Variants in CRHR2 observed in about 807,000 individuals in gnomAD.
CRHR2 encodes corticotropin-releasing hormone receptor 2.
In CRHR2, 53 loss-of-function variants were observed where a neutral mutation model predicts 57.9. The ratio of observed to expected loss-of-function variants is 0.92; its 90% CI spans 0.73 to 1.15. The LOEUF is 1.15. Among genes scored for constraint, CRHR2 ranks in the 50% most tolerant of loss-of-function variants. The pLI is 0.00. For missense variants in CRHR2, 532 were observed against 542.6 expected (o/e 0.98, Z 0.19); for synonymous variants, 213 against 220.9 (o/e 0.96, Z 0.32).
At chr7:30,692,832 C>G (rs529395705) in intron 1 of CRHR2, among the ~76,000 whole-genome samples, 27 of 152,192 alleles carry the variant, frequency 1.8e-4, no homozygotes, top group Non-Finnish European at 2.9e-4. Context: ...CCCAGGGAAG[C>G]GAAGTCACCC....
Position 30,665,170 on chromosome 7 carries a change from C to G in CRHR2, c.443G>C (p.Arg148Pro). The G allele has an allele frequency of 6.2e-7, 1 of 1,614,066 alleles. No individual in the cohort carries two copies. The highest frequency in any genetic ancestry group is 8.5e-7 in the Non-Finnish European group (1 of 1,179,978). The change falls in exon 5 of 12, where the codon CGG becomes CCG. Residue 148 changes from arginine (R) to proline (P), a missense_variant. By Grantham distance (103) the Arg-to-Pro change is moderately radical. Transcript: ENST00000471646. This position sits in a 1 kb window ranked among gnomAD's most constrained non-coding sequence, Gnocchi z 4.5. ...GATGAGGTTCCAGTGAATCACATTCCGCAGACAGCGAATGCTCCTGTGGGA... is the reference window on the plus strand; with the variant it reads ...GATGAGGTTCCAGTGAATCACATTCGGCAGACAGCGAATGCTCCTGTGGGA... ...FLALRSIRCL[R>P]NVIHWNLITT...
intron 2 of CRHR2, among the ~76,000 whole-genome samples, chr7:30,675,945 G>A (rs1356399081): frequency 6.6e-6 from 1 of 152,226 alleles, no homozygotes; most frequent in Non-Finnish European, 1.5e-5. Flanking sequence ...GGGTGAGCCT[G>A]AGCAAGACGA....
At chr7:30,685,782 C>T (rs976954306), upstream of CRHR2, among the ~76,000 whole-genome samples, 7 of 152,228 alleles carry the variant, frequency 4.6e-5, no homozygotes, top group African/African-American at 1.7e-4. Context: ...AGGCCATCCT[C>T]ATCTCTGCAG....
intron 2 of CRHR2, among the ~76,000 whole-genome samples, chr7:30,674,556 C>T (rs570159393): frequency 3.3e-5 from 5 of 152,276 alleles, no homozygotes; most frequent in South Asian, 4.1e-4. Context: ...GTAGGATGGC[C>T]GGGATTAGAT....
chr7:30,671,854 T>C (rs1237323481), intron 2 of CRHR2, among the ~76,000 whole-genome samples: 2 of 148,040 alleles, frequency 1.4e-5, no homozygotes, highest in South Asian at 4.3e-4. Flanking sequence ...ATGATGATGA[T>C]GATAGAAGAA....
Position 30,653,715 on chromosome 7 carries a change from A to T in CRHR2, c.1096-115T>A, listed in dbSNP as rs894891453. 2 of 1,299,716 alleles carry T rather than the reference A, an allele frequency of 1.5e-6. No homozygotes were observed. The highest frequency in any genetic ancestry group is 2.1e-6 in the Non-Finnish European group (2 of 973,510). The allele number at this position is 1,299,716 out of a possible 1,614,324, so 80.5% of individuals were successfully genotyped here. A position where few individuals can be genotyped will look rare whatever the true frequency, so the allele number is the denominator to read the frequency against. ...TCGACTGCCACCCTCATGACAAGGA[A>T]CTGTCTGCTTCCAAAACAGGTCCTT... On this transcript the variant is annotated intron_variant, in intron 11 of 11. Coordinates refer to ENST00000471646, the MANE Select transcript of CRHR2 (RefSeq NM_001883.5). This position sits in a 1 kb window ranked among gnomAD's most constrained non-coding sequence, Gnocchi z 5.0.
chr7:30,676,002 C>T (rs537383185), intron 2 of CRHR2, among the ~76,000 whole-genome samples: 4 of 152,290 alleles, frequency 2.6e-5, no homozygotes, highest in African/African-American at 7.2e-5. Flanking sequence ...CAGGAAAGAT[C>T]AAGATGCATG....
At position 30,662,747 on chromosome 7, in the gene CRHR2, A is replaced by G. The variant is rs748310174; in HGVS notation, c.644T>C (p.Met215Thr). ...GCGCAGGCGCTCAGTGGAGTAGGTCATGACAATGGCCGTGTGCAGGTAGCA... is the reference window on the plus strand; with the variant it reads ...GCGCAGGCGCTCAGTGGAGTAGGTCGTGACAATGGCCGTGTGCAGGTAGCA... ...EGCYLHTAIVMTYSTERLRKC... is the reference protein window; with the variant it reads ...EGCYLHTAIVTTYSTERLRKC... Residue 215 changes from methionine (M) to threonine (T), a missense_variant, in exon 6 of 12, where the codon ATG (methionine) becomes ACG (threonine). Coordinates refer to ENST00000471646, the MANE Select transcript of CRHR2 (RefSeq NM_001883.5). 1 of 1,614,146 alleles carries G rather than the reference A, an allele frequency of 6.2e-7. No homozygotes were observed. The highest frequency in any genetic ancestry group is 1.7e-5 in the Admixed American group (1 of 60,034).
At chr7:30,655,123 C>T (rs200568836) in intron 10 of CRHR2, 43 bp from the exon 11 acceptor site, 28 of 1,598,944 alleles carry the variant, frequency 1.8e-5, no homozygotes, top group Middle Eastern at 1.7e-4. Flanking sequence ...GACCTACCTG[C>T]GGAGCTGTTC....
chr7:30,684,380 GTTA>G (rs1784812531), upstream of CRHR2, among the ~76,000 whole-genome samples: 1 of 152,240 alleles, frequency 6.6e-6, no homozygotes, highest in African/African-American at 2.4e-5. Context: ...CCAAGCTTAA[GTTA>G]TTATCCTTGT....
chr7:30,684,712 G>A (rs538454848), upstream of CRHR2, among the ~76,000 whole-genome samples: 1 of 152,154 alleles, frequency 6.6e-6, no homozygotes, highest in Non-Finnish European at 1.5e-5. Flanking sequence ...TTTCTTCATG[G>A]ATCTTATTAT....
At chr7:30,688,476 C>A (rs1204703996) in intron 2 of CRHR2, among the ~76,000 whole-genome samples, 4 of 152,228 alleles carry the variant, frequency 2.6e-5, no homozygotes, top group South Asian at 2.1e-4. Context: ...TATTGACTGC[C>A]CCAGTGGAAG....
At chr7:30,659,924 GTCTT>G (rs1418525600) in intron 8 of CRHR2, among the ~76,000 whole-genome samples, 6 of 152,122 alleles carry the variant, frequency 3.9e-5, no homozygotes, top group South Asian at 2.1e-4. Context: ...TTTTTTGTAT[GTCTT>G]TCTTTCTTTA....
intron 1 of CRHR2, among the ~76,000 whole-genome samples, chr7:30,692,342 G>A (rs1401373404): frequency 6.6e-6 from 1 of 152,188 alleles, no homozygotes; most frequent in African/African-American, 2.4e-5. Context: ...TCTCCAGTCA[G>A]TGTGGGACTC....
At chr7:30,659,625 C>G (rs1187220268) in intron 8 of CRHR2, among the ~76,000 whole-genome samples, 2 of 152,176 alleles carry the variant, frequency 1.3e-5, no homozygotes, top group African/African-American at 4.8e-5. Context: ...AAAAACCTTC[C>G]TAGTCTTCAT....
chr7:30,692,972 G>A (rs59094174), intron 1 of CRHR2, among the ~76,000 whole-genome samples: 1,567 of 152,230 alleles, frequency 0.01, 25 homozygotes, highest in African/African-American at 0.036. Context: ...TGTGGGTCAC[G>A]GATGCTGAGA....
rs1562792564 is a variant in CRHR2 at position 30,655,681 on chromosome 7, G to C, written c.952C>G (p.Leu318Val). The change falls in exon 10 of 12, where the codon CTC becomes GTC. Residue 318 changes from leucine to valine, a missense_variant. Transcript: ENST00000471646. Reference sequence around the variant, plus strand: ...AAGAGCATGTAGGTGATGCCCAGGAGGGGCAGGAGCACCAGGGTGGCCTTC... The same window carrying C: ...AAGAGCATGTAGGTGATGCCCAGGACGGGCAGGAGCACCAGGGTGGCCTTC... ...AVKATLVLLP[L>V]LGITYMLFFV... 6.2e-7 allele frequency: 1 copy of C among 1,614,108 alleles called. No individual in the cohort carries two copies. Among genetic ancestry groups the C allele is most frequent in the Admixed American group, 1.7e-5 (1 of 60,016 alleles).
At chr7:30,677,242 A>C (rs183099012) in intron 2 of CRHR2, among the ~76,000 whole-genome samples, 1 of 152,190 alleles carries the variant, frequency 6.6e-6, no homozygotes, top group Admixed American at 6.5e-5. Flanking sequence ...TGAGAAAGAC[A>C]GAAACATACA....
At chr7:30,676,939 A>G (rs568408155) in intron 2 of CRHR2, among the ~76,000 whole-genome samples, 10 of 152,356 alleles carry the variant, frequency 6.6e-5, no homozygotes, top group African/African-American at 2.4e-4. Context: ...AGATGACCCC[A>G]GCCATTCCCA....
Sources: gnomAD v4.1 joint callset for allele counts (sites outside exome capture counted in the v4.1 genomes callset) on GRCh38, gnomAD v4.1.1 for gene constraint, Gnocchi (gnomAD v3.1) non-coding constraint, MANE v1.5 for transcripts, NCBI Gene and HGNC (gene_info 2026-07-23, HGNC 2026-07-21) for gene names.